PINX1: variants seen among roughly 807,000 people sequenced by gnomAD.
PINX1 encodes PIN2 (TERF1) interacting telomerase inhibitor 1.
A neutral mutation model predicts 25.4 loss-of-function variants in PINX1; 34 were observed. That is an observed-to-expected ratio of 1.34 (90% CI 1.02 to 1.78). The LOEUF is 1.78. PINX1 is among the 40% of genes most tolerant of loss of function. The pLI is 0.00. For synonymous variants in PINX1, 197 were observed against 147.7 expected (o/e 1.33, Z -2.42); for missense variants, 592 against 404.9 (o/e 1.46, Z -3.97).
At chr8:10,839,387 G>A (rs1435069889) in intron 1 of PINX1, among the ~76,000 whole-genome samples, 1 of 152,234 alleles carries the variant, frequency 6.6e-6, no homozygotes, top group Non-Finnish European at 1.5e-5. Context: ...ACCTCAGGAA[G>A]CTGAGGTCCG....
intron 5 of PINX1, among the ~76,000 whole-genome samples, chr8:10,820,523 G>C (rs1158515409): frequency 1.1e-4 from 17 of 152,146 alleles, no homozygotes; most frequent in Non-Finnish European, 2.4e-4. Context: ...ACAACCTAGA[G>C]CATACTGACT....
chr8:10,779,582 T>C (rs1426904227), intron 6 of PINX1, among the ~76,000 whole-genome samples: 1 of 152,198 alleles, frequency 6.6e-6, no homozygotes, highest in Non-Finnish European at 1.5e-5. Flanking sequence ...TTATTGGCAT[T>C]ACTCTGTAAC....
intron 6 of PINX1, among the ~76,000 whole-genome samples, chr8:10,774,509 G>A (rs1354493797): frequency 3.3e-5 from 5 of 152,202 alleles, no homozygotes; most frequent in East Asian, 1.9e-4. Context: ...TCGAACTCCC[G>A]ACCTCAGGTG....
At chr8:10,784,419 G>T (rs1210835236) in intron 6 of PINX1, among the ~76,000 whole-genome samples, 1 of 152,164 alleles carries the variant, frequency 6.6e-6, no homozygotes, top group Non-Finnish European at 1.5e-5. Flanking sequence ...CTACTTACAA[G>T]TTTCAGCGCT....
At chr8:10,825,963 G>C (rs1035833625) in intron 5 of PINX1, among the ~76,000 whole-genome samples, 189 bp downstream of exon 5, 1 of 152,188 alleles carries the variant, frequency 6.6e-6, no homozygotes, top group African/African-American at 2.4e-5. Context: ...AGATCTCCTA[G>C]ATCTGAATTC....
At chr8:10,776,611 C>A (rs1272425889) in intron 6 of PINX1, among the ~76,000 whole-genome samples, 1 of 152,068 alleles carries the variant, frequency 6.6e-6, no homozygotes, top group Non-Finnish European at 1.5e-5. Flanking sequence ...AAACTGAACT[C>A]CCGCCTCAAG....
intron 1 of PINX1, among the ~76,000 whole-genome samples, chr8:10,835,752 T>TA (rs1798387081): frequency 6.6e-6 from 1 of 151,412 alleles, no homozygotes; most frequent in Non-Finnish European, 1.5e-5. Flanking sequence ...GAATAAACGA[T>TA]AAAAATGAAG....
Position 10,820,176 on chromosome 8 carries a change from T to G in PINX1, c.471+17A>C, listed in dbSNP as rs763135354. On this transcript the variant is annotated intron_variant, in intron 6 of 6. Transcript: ENST00000314787. Reference sequence around the variant, plus strand: ...CAGTATTAAAGCGGAACACGGAAACTGTACGTGGCTTTATACCTCGGGAGT... The same window carrying G: ...CAGTATTAAAGCGGAACACGGAAACGGTACGTGGCTTTATACCTCGGGAGT... 1 of 1,520,858 alleles carries G rather than the reference T, an allele frequency of 6.6e-7. No individual in the cohort carries two copies. Among genetic ancestry groups the G allele is most frequent in the South Asian group, 1.1e-5 (1 of 88,828 alleles). 94.2% of individuals were successfully genotyped at this position (1,520,858 alleles called of 1,614,324 possible).
At chr8:10,813,343 A>C (rs1017507352) in intron 6 of PINX1, among the ~76,000 whole-genome samples, 2 of 152,154 alleles carry the variant, frequency 1.3e-5, no homozygotes, top group African/African-American at 4.8e-5. Flanking sequence ...AAAAGGAGAA[A>C]CACCCTTGAA....
At chr8:10,779,957 A>G (rs1435601631) in intron 6 of PINX1, among the ~76,000 whole-genome samples, 1 of 152,204 alleles carries the variant, frequency 6.6e-6, no homozygotes, top group Non-Finnish European at 1.5e-5. Flanking sequence ...GTGGACCTGG[A>G]AACTCTTACA....
intron 6 of PINX1, among the ~76,000 whole-genome samples, chr8:10,815,936 G>A (rs1163570678): frequency 6.6e-6 from 1 of 152,172 alleles, no homozygotes; most frequent in African/African-American, 2.4e-5. Flanking sequence ...CTTTAGCACT[G>A]GGTAGTGACC....
chr8:10,802,347 C>T (rs1484486130), intron 6 of PINX1, among the ~76,000 whole-genome samples: 1 of 152,186 alleles, frequency 6.6e-6, no homozygotes, highest in Non-Finnish European at 1.5e-5. Context: ...ACACTCATGA[C>T]ATTCCCTTGG....
At chr8:10,770,903 T>G (rs1479720254) in intron 6 of PINX1, among the ~76,000 whole-genome samples, 1 of 152,060 alleles carries the variant, frequency 6.6e-6, no homozygotes, top group Admixed American at 6.5e-5. Context: ...GACACGGAGG[T>G]CATGCTGCAA....
intron 6 of PINX1, among the ~76,000 whole-genome samples, chr8:10,782,052 C>A (rs978053141): frequency 6.6e-6 from 1 of 151,986 alleles, no homozygotes; most frequent in Non-Finnish European, 1.5e-5. Flanking sequence ...CATGGATGAA[C>A]CTAGATGACA....
intron 1 of PINX1, among the ~76,000 whole-genome samples, chr8:10,838,944 C>CA (rs1484241972): frequency 1.3e-5 from 2 of 152,198 alleles, no homozygotes; most frequent in Non-Finnish European, 2.9e-5. Context: ...ACTTATTTCA[C>CA]AAAATCCCTG....
At chr8:10,794,955 G>A (rs1228461599) in intron 6 of PINX1, among the ~76,000 whole-genome samples, 1 of 152,166 alleles carries the variant, frequency 6.6e-6, no homozygotes, top group South Asian at 2.1e-4. Context: ...TAACATTGCT[G>A]AAGAATGCAG....
At chr8:10,777,644 T>C (rs1801434994) in intron 6 of PINX1, among the ~76,000 whole-genome samples, 2 of 152,294 alleles carry the variant, frequency 1.3e-5, no homozygotes, top group Non-Finnish European at 2.9e-5. Flanking sequence ...TATCTTAAAA[T>C]GGTTTGGTCC....
At chr8:10,822,435 T>C (rs1011679494) in intron 5 of PINX1, among the ~76,000 whole-genome samples, 2 of 152,232 alleles carry the variant, frequency 1.3e-5, no homozygotes, top group African/African-American at 4.8e-5. Flanking sequence ...ATTTGGTTCA[T>C]CTATTAGTCT....
At chr8:10,768,125 G>C (rs574820966) in intron 6 of PINX1, among the ~76,000 whole-genome samples, 2 of 149,172 alleles carry the variant, frequency 1.3e-5, no homozygotes, top group East Asian at 4.0e-4. Context: ...ACAGAGACAG[G>C]CTCGGTGACC....
Sources: allele counts gnomAD v4.1 joint callset (sites outside exome capture counted in the v4.1 genomes callset), GRCh38; gene constraint gnomAD v4.1.1; transcripts MANE v1.5; gene names NCBI Gene and HGNC (gene_info 2026-07-23, HGNC 2026-07-21).